ALPK2: variants seen among roughly 807,000 people sequenced by gnomAD.
The protein encoded by ALPK2 is alpha-protein kinase 2.
Under a neutral mutation model 163.1 loss-of-function variants are expected in ALPK2, and 127 were observed. That is an observed-to-expected ratio of 0.78 (90% CI 0.67 to 0.90). The LOEUF is 0.90. Among genes scored for constraint, ALPK2 ranks in the 40% least tolerant of loss-of-function variants. The pLI, the probability that ALPK2 is intolerant of heterozygous loss-of-function variation, is 0.00. For missense variants in ALPK2, 2,360 were observed against 2,589.6 expected (o/e 0.91, Z 1.92); for synonymous variants, 953 against 959.1 (o/e 0.99, Z 0.12).
rs556606235 is a variant in ALPK2, at chr18:58,590,500, T to A, written c.228-9952A>T. ...GAAGAGGGCTCCACTCAATAAATAA[T>A]CACATGATGACATCCGTGTCCTTTC... On this transcript the variant is annotated intron_variant, in intron 3 of 12. Transcript: ENST00000361673. Among the ~76,000 whole-genome samples the A allele has an allele frequency of 2.6e-3, 401 of 152,266 alleles. 7 individuals are homozygous for A. In the South Asian group the frequency reaches 0.029, roughly 11 times the overall value.
chr18:58,562,792 G>T (rs2051831709), intron 4 of ALPK2, among the ~76,000 whole-genome samples: 1 of 152,226 alleles, frequency 6.6e-6, no homozygotes, highest in Non-Finnish European at 1.5e-5. Flanking sequence ...CTTGGTGAGG[G>T]TTCTCTTCCT....
intron 1 of ALPK2, among the ~76,000 whole-genome samples, chr18:58,613,616 C>T (rs970599771): frequency 6.0e-5 from 9 of 150,990 alleles, no homozygotes; most frequent in Admixed American, 1.3e-4. Flanking sequence ...TTGCTTGAAC[C>T]GGGACCTGGG....
At chr18:58,553,024 G>A (rs1209219057) in intron 4 of ALPK2, among the ~76,000 whole-genome samples, 1 of 152,130 alleles carries the variant, frequency 6.6e-6, no homozygotes, top group Non-Finnish European at 1.5e-5. Flanking sequence ...GACACAGAGG[G>A]AAGAAGGCCA....
In ALPK2 at chr18:58,483,354, G is replaced by C. The variant is rs2051321325; in HGVS notation, c.6297-1315C>G. On this transcript the variant is annotated intron_variant, in intron 12 of 12. Coordinates refer to ENST00000361673, the MANE Select transcript of ALPK2 (RefSeq NM_052947.4). ...AAAATCCCATTGCTGTTAAAACGAAGACAAAATTCCTGAAACTGCCTGTGA... is the reference window on the plus strand; with the variant it reads ...AAAATCCCATTGCTGTTAAAACGAACACAAAATTCCTGAAACTGCCTGTGA... 1.3e-5 allele frequency among the ~76,000 whole-genome samples: 2 copies of C among 152,042 alleles called. 1 individual carries two copies. Among genetic ancestry groups the C allele is most frequent in the South Asian group, 4.2e-4 (2 of 4,816 alleles).
At chr18:58,511,312 A>T (rs553068542) in intron 10 of ALPK2, among the ~76,000 whole-genome samples, 24 of 152,320 alleles carry the variant, frequency 1.6e-4, no homozygotes, top group African/African-American at 5.5e-4. Context: ...GGATTTTTGC[A>T]TCGATGTTCA....
chr18:58,505,217 G>A (rs1181730641), intron 10 of ALPK2, among the ~76,000 whole-genome samples: 2 of 152,092 alleles, frequency 1.3e-5, no homozygotes, highest in Non-Finnish European at 2.9e-5. Context: ...AGCTGGAGCG[G>A]TGATCAGATA....
At chr18:58,517,270 G>A in intron 8 of ALPK2, 88 bp from the exon 9 acceptor site, 1 of 1,414,280 alleles carries the variant, frequency 7.1e-7, no homozygotes, top group Non-Finnish European at 9.6e-7. Flanking sequence ...CCCACATAAG[G>A]ACAATGACAA....
intron 12 of ALPK2, among the ~76,000 whole-genome samples, chr18:58,490,792 AC>A (rs751283823): frequency 1.3e-5 from 2 of 152,088 alleles, no homozygotes; most frequent in African/African-American, 2.4e-5. Flanking sequence ...TTTTGATGGC[AC>A]CCTCAACCAG....
At chr18:58,498,242 C>A in intron 11 of ALPK2, 145 bp from the exon 12 acceptor site, 1 of 716,172 alleles carries the variant, frequency 1.4e-6, no homozygotes, top group Non-Finnish European at 2.5e-6. Context: ...TTCATATACG[C>A]ATCCAGCTTT....
At chr18:58,594,239 A>G (rs112594056) in intron 3 of ALPK2, among the ~76,000 whole-genome samples, 2,685 of 152,294 alleles carry the variant, frequency 0.018, 34 homozygotes, top group Non-Finnish European at 0.027. Context: ...AGCAACGCAG[A>G]CCCACCAGAG....
At chr18:58,552,554 G>T (rs1005299600) in intron 4 of ALPK2, among the ~76,000 whole-genome samples, 1 of 152,222 alleles carries the variant, frequency 6.6e-6, no homozygotes, top group African/African-American at 2.4e-5. Context: ...TATATTTGCT[G>T]CTGATGCATG....
At chr18:58,525,923 G>C (rs1490367018) in intron 6 of ALPK2, among the ~76,000 whole-genome samples, 1 of 134,682 alleles carries the variant, frequency 7.4e-6, no homozygotes, top group Non-Finnish European at 1.5e-5. Flanking sequence ...CATTTGTGGA[G>C]TATCTGCTCT....
In ALPK2 at chr18:58,517,044, C is replaced by A; in HGVS notation, c.5804G>T (p.Arg1935Leu). Residue 1935 changes from arginine to leucine, a missense_variant, in exon 9 of 13, where the codon CGC becomes CTC. By Grantham distance (102) the Arg-to-Leu change is moderately radical. Transcript: ENST00000361673. ...CATGAGGCCGTGCATCACTGTGCTG[C>A]GGAAGGCTTTGCGGTGAACCCCTTC... ...FGEGVHRKAF[R>L]STVMHGLMPV... The A allele has an allele frequency of 1.9e-6, 3 of 1,614,240 alleles. No homozygotes were observed. Among genetic ancestry groups the A allele is most frequent in the Non-Finnish European group, 2.5e-6 (3 of 1,180,040 alleles).
intron 4 of ALPK2, among the ~76,000 whole-genome samples, chr18:58,560,379 T>C (rs776306674): frequency 1.3e-5 from 2 of 152,246 alleles, no homozygotes; most frequent in African/African-American, 2.4e-5. Flanking sequence ...GGTATGTCTT[T>C]ATCAGCAGCA....
At chr18:58,528,724 A>G (rs2051596439) in intron 6 of ALPK2, 1 of 228,880 alleles carries the variant, frequency 4.4e-6, no homozygotes, top group Non-Finnish European at 8.7e-6. Context: ...TGAAACAGAA[A>G]ACACACCCAA....
intron 4 of ALPK2, among the ~76,000 whole-genome samples, chr18:58,568,131 G>C: frequency 6.6e-6 from 1 of 152,290 alleles, no homozygotes; most frequent in East Asian, 1.9e-4. Flanking sequence ...TGTTTCCTAA[G>C]TGACCTCTTG....
chr18:58,560,743 G>A (rs1465194743), intron 4 of ALPK2, among the ~76,000 whole-genome samples: 1 of 152,232 alleles, frequency 6.6e-6, no homozygotes, highest in African/African-American at 2.4e-5. Context: ...GGCATGGGCA[G>A]TCTACTTCAG....
rs764248243 is a variant in ALPK2, at chr18:58,536,421, T to G, written c.3766A>C (p.Asn1256His). 1 of 1,614,186 alleles carries G rather than the reference T, an allele frequency of 6.2e-7. No individual in the cohort carries two copies. Among genetic ancestry groups the G allele is most frequent in the Non-Finnish European group, 8.5e-7 (1 of 1,180,028 alleles). ...SEIWPPRQLTNSESKASDGGL... is the reference protein window; with the variant it reads ...SEIWPPRQLTHSESKASDGGL... The stretch of plus-strand genomic sequence containing the variant: ...CCGTCTGATGCCTTGCTCTCAGAAT[T>G]TGTCAGTTGTCGTGGTGGCCAGATT... Residue 1256 changes from asparagine to histidine, a missense_variant, in exon 5 of 13, where the codon AAT becomes CAT. Transcript: ENST00000361673.
chr18:58,578,740 A>ACACACGCGCACGCGCGCGCG, intron 4 of ALPK2, 74 bp downstream of exon 4: 1 of 1,087,840 alleles, frequency 9.2e-7, no homozygotes, highest in Middle Eastern at 2.7e-4. Flanking sequence ...AGAGACACAC[A>ACACACGCGCACGCGCGCGCG]CACACACACA....
Sources: gnomAD v4.1 joint callset for allele counts (sites outside exome capture counted in the v4.1 genomes callset) on GRCh38, gnomAD v4.1.1 for gene constraint, MANE v1.5 for transcripts, NCBI Gene and HGNC (gene_info 2026-07-23, HGNC 2026-07-21) for gene names.